Variants in SUMF1 observed in about 807,000 individuals in gnomAD.
SUMF1 encodes sulfatase modifying factor 1.
Under a neutral mutation model 47.6 loss-of-function variants are expected in SUMF1, and 48 were observed. The observed-to-expected ratio is 1.01, with a 90% confidence interval of 0.80 to 1.28. The LOEUF (loss-of-function observed/expected upper bound fraction) is 1.28. Among genes scored for constraint, SUMF1 ranks in the 50% most tolerant of loss-of-function variants. The pLI, the probability that SUMF1 is intolerant of heterozygous loss-of-function variation, is 0.00. For missense variants in SUMF1, 571 were observed against 485.4 expected (o/e 1.18, Z -1.66); for synonymous variants, 230 against 192.1 (o/e 1.20, Z -1.63).
intron 8 of SUMF1, among the ~76,000 whole-genome samples, chr3:4,229,957 C>T (rs1269881634): frequency 6.6e-6 from 1 of 151,776 alleles, no homozygotes; most frequent in East Asian, 1.9e-4. Flanking sequence ...ACACTGCAGT[C>T]AGCTATAATT....
intron 8 of SUMF1, among the ~76,000 whole-genome samples, chr3:4,247,566 C>A (rs1696698099): frequency 6.6e-6 from 1 of 151,204 alleles, no homozygotes; most frequent in Admixed American, 6.6e-5. Flanking sequence ...GTAAGAAGCC[C>A]AGCTGGAGAT....
intron 8 of SUMF1, among the ~76,000 whole-genome samples, chr3:4,230,357 G>A (rs773293187): frequency 2.0e-5 from 3 of 152,048 alleles, no homozygotes; most frequent in Non-Finnish European, 4.4e-5. Flanking sequence ...CAACAGTTTG[G>A]TCTGTCTTGG....
At chr3:4,179,108 G>A (rs1695035600) in intron 8 of SUMF1, among the ~76,000 whole-genome samples, 1 of 151,676 alleles carries the variant, frequency 6.6e-6, no homozygotes, top group African/African-American at 2.4e-5. Flanking sequence ...TGAAAACACT[G>A]CCCAAAGTAA....
chr3:4,438,699 A>G (rs1467891592), intron 3 of SUMF1, among the ~76,000 whole-genome samples: 1 of 152,150 alleles, frequency 6.6e-6, no homozygotes, highest in African/African-American at 2.4e-5. Context: ...CAAATCTATC[A>G]TCTTAAATGG....
chr3:4,116,704 T>G (rs1342726023), intron 8 of SUMF1, among the ~76,000 whole-genome samples: 2 of 152,140 alleles, frequency 1.3e-5, no homozygotes, highest in Non-Finnish European at 2.9e-5. Context: ...TGGTCTGTAC[T>G]TTAATCACTT....
chr3:4,238,557 C>T lies in SUMF1; in HGVS notation c.1014+137773G>A, dbSNP rs191298388. 2.5e-4 allele frequency among the ~76,000 whole-genome samples: 38 copies of T among 152,334 alleles called. No individual in the cohort carries two copies. In the East Asian group the frequency reaches 6.9e-3, roughly 28 times the overall value. On this transcript the variant is annotated intron_variant and NMD_transcript_variant, in intron 8 of 12. Coordinates refer to the SUMF1 transcript ENST00000448413. ...GATGAGTTTTTCATATGTCTGTTGGCTGCATAAATGCCTTCTTTTGAGAAG... is the reference window on the plus strand; with the variant it reads ...GATGAGTTTTTCATATGTCTGTTGGTTGCATAAATGCCTTCTTTTGAGAAG...
intron 8 of SUMF1, among the ~76,000 whole-genome samples, chr3:4,194,278 C>T (rs1695382634): frequency 2.0e-5 from 3 of 152,126 alleles, no homozygotes; most frequent in Non-Finnish European, 4.4e-5. Flanking sequence ...ACTACACAGG[C>T]CACATGCCCT....
intron 8 of SUMF1, among the ~76,000 whole-genome samples, chr3:4,177,620 A>G (rs1694996149): frequency 6.6e-6 from 1 of 152,182 alleles, no homozygotes; most frequent in Admixed American, 6.5e-5. Flanking sequence ...TAATATCACA[A>G]TTAAAAGAAC....
intron 8 of SUMF1, among the ~76,000 whole-genome samples, chr3:4,368,984 C>G (rs978162501): frequency 5.3e-5 from 8 of 151,964 alleles, no homozygotes; most frequent in African/African-American, 1.7e-4. Context: ...TGTGGAATAA[C>G]TTTAGAATCT....
intron 8 of SUMF1, among the ~76,000 whole-genome samples, chr3:4,167,671 C>G (rs565714789): frequency 1.3e-5 from 2 of 152,296 alleles, no homozygotes; most frequent in East Asian, 3.9e-4. Flanking sequence ...GGAAGTCCGG[C>G]TGGCTCTTCA....
At chr3:4,431,975 A>C (rs1281084682) in intron 3 of SUMF1, among the ~76,000 whole-genome samples, 1 of 152,112 alleles carries the variant, frequency 6.6e-6, no homozygotes, top group Non-Finnish European at 1.5e-5. Flanking sequence ...AGTCCCTGTC[A>C]TGTTCAGATC....
chr3:4,384,305 G>C (rs978975686), intron 7 of SUMF1, among the ~76,000 whole-genome samples: 34 of 152,150 alleles, frequency 2.2e-4, no homozygotes, highest in Non-Finnish European at 1.6e-4. Context: ...AGCTGTAAAA[G>C]GTAACAGAGG....
At chr3:4,201,101 T>G (rs1166434882) in intron 8 of SUMF1, among the ~76,000 whole-genome samples, 2 of 152,078 alleles carry the variant, frequency 1.3e-5, no homozygotes, top group African/African-American at 4.8e-5. Context: ...AAATGGGGTA[T>G]CCATCACCTC....
intron 8 of SUMF1, among the ~76,000 whole-genome samples, chr3:4,219,311 T>C (rs368381837): frequency 7.9e-5 from 12 of 152,310 alleles, no homozygotes; most frequent in African/African-American, 2.2e-4. Context: ...AGAGGAGGTA[T>C]TGCTGATCCC....
At chr3:4,344,609 C>T (rs747577760) in intron 8 of SUMF1, among the ~76,000 whole-genome samples, 1 of 152,118 alleles carries the variant, frequency 6.6e-6, no homozygotes. Context: ...TCCAAAAGGC[C>T]AGAGTGCTTG....
chr3:4,234,923 G>A (rs1696376413), intron 8 of SUMF1, among the ~76,000 whole-genome samples: 1 of 152,160 alleles, frequency 6.6e-6, no homozygotes, highest in South Asian at 2.1e-4. Context: ...GTATGTAGAT[G>A]TGTGTGTGTA....
At chr3:4,189,071 G>C (rs1695261489) in intron 8 of SUMF1, among the ~76,000 whole-genome samples, 1 of 152,010 alleles carries the variant, frequency 6.6e-6, no homozygotes, top group Non-Finnish European at 1.5e-5. Flanking sequence ...AATCAGTTCT[G>C]TTAAATCAGA....
chr3:4,276,756 G>A (rs943457492), intron 8 of SUMF1, among the ~76,000 whole-genome samples: 5 of 152,062 alleles, frequency 3.3e-5, no homozygotes, highest in African/African-American at 1.2e-4. Flanking sequence ...TAGGCTTTAT[G>A]CCTGTAATGT....
chr3:4,200,859 G>A (rs1470479791), intron 8 of SUMF1, among the ~76,000 whole-genome samples: 5 of 152,084 alleles, frequency 3.3e-5, no homozygotes. Flanking sequence ...GGCCATAAAT[G>A]TGTGGATTCA....
Sources: allele counts gnomAD v4.1 joint callset (sites outside exome capture counted in the v4.1 genomes callset), GRCh38; gene constraint gnomAD v4.1.1; transcripts MANE v1.5; gene names NCBI Gene and HGNC (gene_info 2026-07-23, HGNC 2026-07-21).